Variants in SAMD8 observed in about 807,000 individuals in gnomAD.
SAMD8 encodes the protein sphingomyelin synthase-related protein 1.
A neutral mutation model predicts 42.0 loss-of-function variants in SAMD8; 20 were observed. The ratio of observed to expected loss-of-function variants is 0.48; its 90% CI spans 0.34 to 0.69. SAMD8 has a LOEUF of 0.69. Ranked by LOEUF, SAMD8 falls within the 30% of genes least tolerant of loss-of-function variation. The pLI is 0.01. For synonymous variants in SAMD8, 162 were observed against 173.0 expected, an observed-to-expected ratio of 0.94 and a Z score of 0.50; for missense variants, 328 against 511.6, an observed-to-expected ratio of 0.64 and a Z score of 3.46.
intron 1 of SAMD8, among the ~76,000 whole-genome samples, chr10:75,103,064 A>G (rs1848276030): frequency 6.6e-6 from 1 of 152,164 alleles, no homozygotes. Context: ...AGTGAGCCCT[A>G]ATCCTTGACC....
intron 1 of SAMD8, among the ~76,000 whole-genome samples, chr10:75,119,262 A>T (rs778772185): frequency 6.6e-6 from 1 of 151,854 alleles, no homozygotes; most frequent in Non-Finnish European, 1.5e-5. Flanking sequence ...GGTTCAAGCA[A>T]TTCTGCCTCA....
chr10:75,109,688 G>A (rs182594949), upstream of SAMD8, among the ~76,000 whole-genome samples: 3 of 152,300 alleles, frequency 2.0e-5, no homozygotes, highest in Admixed American at 1.3e-4. Flanking sequence ...TCTGTTGGAT[G>A]AGTCTCTGAA....
At chr10:75,137,843 A>G (rs1839927008) in intron 1 of SAMD8, among the ~76,000 whole-genome samples, 1 of 152,218 alleles carries the variant, frequency 6.6e-6, no homozygotes. Context: ...AAACAGAACT[A>G]TAACACTTAA....
In SAMD8 at chr10:75,147,602, C is replaced by T. The variant is rs570122333; in HGVS notation, c.-15-2912C>T. 7.2e-5 allele frequency among the ~76,000 whole-genome samples: 11 copies of T among 152,272 alleles called. No individual in the cohort carries two copies. In the South Asian group the frequency reaches 1.5e-3, roughly 20 times the overall value. On this transcript the variant is annotated intron_variant, in intron 1 of 5. Transcript: ENST00000542569. ...CAGCCTCCCAAAGTGCTGGGATAGG[C>T]GTGAGCCACCATGCCCGGCTGGCTT...
intron 1 of SAMD8, chr10:75,105,851 A>G: frequency 6.4e-7 from 1 of 1,550,402 alleles, no homozygotes; most frequent in Non-Finnish European, 8.7e-7. Context: ...CCCACCACAC[A>G]GTGCACCAGG....
chr10:75,144,919 A>T (rs112295397), intron 1 of SAMD8, among the ~76,000 whole-genome samples: 22 of 152,306 alleles, frequency 1.4e-4, no homozygotes, highest in African/African-American at 4.8e-4. Context: ...TCAGCCTCCC[A>T]AAGTGTTGGG....
chr10:75,127,783 A>G (rs748319227), intron 1 of SAMD8, among the ~76,000 whole-genome samples: 5 of 152,220 alleles, frequency 3.3e-5, no homozygotes, highest in African/African-American at 4.8e-5. Flanking sequence ...TAAATGTTAA[A>G]TAAACAAGTC....
chr10:75,120,195 C>G lies in SAMD8; in HGVS notation c.-16+8473C>G, dbSNP rs1198379060. ...AGTGCCTATCACTTTAGGAAGTTTCCCAATTCCCAAACTGTACAGAAGTGC... is the reference window on the plus strand; with the variant it reads ...AGTGCCTATCACTTTAGGAAGTTTCGCAATTCCCAAACTGTACAGAAGTGC... On this transcript the variant is annotated intron_variant, in intron 1 of 5. Coordinates refer to ENST00000542569, the MANE Select transcript of SAMD8 (RefSeq NM_001174156.2). 5.3e-5 allele frequency among the ~76,000 whole-genome samples: 8 copies of G among 152,296 alleles called. No homozygotes were observed. The South Asian group carries it at 1.4e-3, about 28-fold the overall frequency.
chr10:75,102,557 C>G (rs540629253), intron 1 of SAMD8, among the ~76,000 whole-genome samples: 3 of 152,298 alleles, frequency 2.0e-5, no homozygotes, highest in African/African-American at 7.2e-5. Flanking sequence ...CCTATAATCC[C>G]GACACTTTGG....
intron 1 of SAMD8, chr10:75,104,229 G>A: frequency 2.0e-6 from 1 of 489,662 alleles, no homozygotes; most frequent in Non-Finnish European, 3.4e-6. Flanking sequence ...AAGGTCAAGT[G>A]AGTGCAGCTG....
intron 1 of SAMD8, among the ~76,000 whole-genome samples, chr10:75,138,958 C>G (rs866820459): frequency 1.5e-4 from 20 of 133,354 alleles, no homozygotes; most frequent in Non-Finnish European, 3.1e-4. Flanking sequence ...GTGGTTTTTT[C>G]TTTTTTTTTT....
intron 1 of SAMD8, among the ~76,000 whole-genome samples, chr10:75,114,806 T>C (rs1848840934): frequency 6.6e-6 from 1 of 152,236 alleles, no homozygotes; most frequent in East Asian, 1.9e-4. Context: ...ATTTTTCATA[T>C]GCCAGTGGAT....
chr10:75,173,968 G>T (rs1002674612), intron 4 of SAMD8, among the ~76,000 whole-genome samples: 2 of 152,202 alleles, frequency 1.3e-5, no homozygotes, highest in African/African-American at 4.8e-5. Flanking sequence ...GAAATTAAAT[G>T]CAGTAACATA....
chr10:75,105,726 G>A (rs553136425), intron 1 of SAMD8: 3 of 1,554,330 alleles, frequency 1.9e-6, no homozygotes, highest in Admixed American at 3.9e-5. Flanking sequence ...GGTGCAGGAA[G>A]CCTCGGTTGG....
chr10:75,157,467 G>A (rs1429574788), intron 2 of SAMD8, among the ~76,000 whole-genome samples: 1 of 152,142 alleles, frequency 6.6e-6, no homozygotes, highest in African/African-American at 2.4e-5. Flanking sequence ...ATAACAGAGG[G>A]GAAGGTAGAA....
intron 1 of SAMD8, among the ~76,000 whole-genome samples, chr10:75,143,966 CTTTTT>C (rs536028273): frequency 7.4e-6 from 1 of 135,004 alleles, no homozygotes; most frequent in Non-Finnish European, 1.6e-5. Context: ...ATAATTTAAA[CTTTTT>C]TTTTTTTTTT....
At chr10:75,163,912 G>C (rs1181851120) in intron 2 of SAMD8, among the ~76,000 whole-genome samples, 1 of 151,934 alleles carries the variant, frequency 6.6e-6, no homozygotes, top group African/African-American at 2.4e-5. Flanking sequence ...GAGAGAAAGA[G>C]GTAAAACAAA....
At position 75,168,643 on chromosome 10, in the gene SAMD8, G is replaced by A. The variant is rs749314212; in HGVS notation, c.777G>A (p.Leu259=). The change falls in exon 4 of 6, where the codon CTG becomes CTA. Residue 259 remains leucine, a synonymous_variant. Transcript: ENST00000542569. ...VTSLSVPGQH[L]QCTGKIYGSV... ...CCCTCTCCGTGCCAGGACAACACCT[G>A]CAGTGTACTGGAAAGGTAGCCTGCT... is the stretch of plus-strand genomic sequence containing the variant. 6.2e-7 allele frequency: 1 copy of A among 1,609,604 alleles called. No homozygotes were observed. Among genetic ancestry groups the A allele is most frequent in the East Asian group, 2.2e-5 (1 of 44,854 alleles).
chr10:75,169,057 G>T (rs185370401), intron 4 of SAMD8, among the ~76,000 whole-genome samples: 1 of 147,744 alleles, frequency 6.8e-6, no homozygotes, highest in African/African-American at 2.5e-5. Context: ...TGTAATCCCA[G>T]CTACTCAGGA....
Sources: allele counts gnomAD v4.1 joint callset (sites outside exome capture counted in the v4.1 genomes callset), GRCh38; gene constraint gnomAD v4.1.1; transcripts MANE v1.5; gene names NCBI Gene and HGNC (gene_info 2026-07-23, HGNC 2026-07-21).